The following RANBP17 variants were observed in gnomAD, a reference collection of about 807,000 sequenced individuals.
RANBP17 encodes RAN binding protein 17.
A neutral mutation model predicts 141.2 loss-of-function variants in RANBP17; 158 were observed. The observed-to-expected ratio is 1.12, with a 90% confidence interval of 0.98 to 1.28. The LOEUF (loss-of-function observed/expected upper bound fraction) is 1.28. Ranked by LOEUF, RANBP17 falls within the 50% of genes most tolerant of loss-of-function variation. RANBP17 has a pLI of 0.00. For missense variants in RANBP17, 1,438 were observed against 1,290.7 expected (o/e 1.11, Z -1.75); for synonymous variants, 430 against 450.0 (o/e 0.96, Z 0.56).
chr5:170,888,776 A>G (rs1051802600), intron 3 of RANBP17, among the ~76,000 whole-genome samples: 5 of 152,080 alleles, frequency 3.3e-5, no homozygotes, highest in African/African-American at 1.2e-4. Flanking sequence ...TTTTTTCCCA[A>G]TCTTAGTGAG....
At chr5:171,184,491 A>T (rs909172092) in intron 18 of RANBP17, among the ~76,000 whole-genome samples, 1 of 151,582 alleles carries the variant, frequency 6.6e-6, no homozygotes, top group Non-Finnish European at 1.5e-5. Context: ...CTTTGAGGTG[A>T]TGCTGGTCAA....
At chr5:170,999,547 A>T (rs1181422310) in intron 14 of RANBP17, among the ~76,000 whole-genome samples, 2 of 152,200 alleles carry the variant, frequency 1.3e-5, no homozygotes, top group Non-Finnish European at 2.9e-5. Context: ...AATTGATATA[A>T]TCTTTTTGTA....
At chr5:171,296,065 T>A (rs1349455677) in intron 27 of RANBP17, 51 bp downstream of exon 27, 17 of 1,581,936 alleles carry the variant, frequency 1.1e-5, no homozygotes, top group Admixed American at 5.2e-5. Flanking sequence ...ATTCCAGGTT[T>A]GTTGAAAATA....
intron 14 of RANBP17, among the ~76,000 whole-genome samples, chr5:171,006,758 A>AAG (rs397784563): frequency 6.6e-5 from 10 of 150,896 alleles, no homozygotes; most frequent in Non-Finnish European, 1.3e-4. Flanking sequence ...AAAAAAAAAA[A>AAG]GAATAGGTCG....
chr5:171,267,102 C>T (rs1336788529), intron 25 of RANBP17, among the ~76,000 whole-genome samples: 7 of 141,750 alleles, frequency 4.9e-5, no homozygotes, highest in African/African-American at 1.8e-4. Context: ...AATCTGGGCT[C>T]ACTGCAACCT....
intron 2 of RANBP17, among the ~76,000 whole-genome samples, chr5:170,880,043 C>T (rs78518273): frequency 0.029 from 4,416 of 152,196 alleles, 211 homozygotes; most frequent in African/African-American, 0.098. Flanking sequence ...TTCAGCTAAG[C>T]CCTTTTCCGC....
intron 14 of RANBP17, among the ~76,000 whole-genome samples, chr5:171,033,319 A>C (rs1781667366): frequency 6.6e-6 from 1 of 152,212 alleles, no homozygotes; most frequent in Admixed American, 6.5e-5. Flanking sequence ...TATTCTAAGC[A>C]ATGAATACAG....
intron 24 of RANBP17, among the ~76,000 whole-genome samples, chr5:171,245,680 C>G (rs17747933): frequency 1.3e-5 from 2 of 152,000 alleles, no homozygotes; most frequent in East Asian, 1.9e-4. Flanking sequence ...ATCAGTTTGA[C>G]TCATTTGAGA....
chr5:171,178,819 C>A (rs1223934601), intron 16 of RANBP17, among the ~76,000 whole-genome samples: 1 of 152,160 alleles, frequency 6.6e-6, no homozygotes, highest in African/African-American at 2.4e-5. Flanking sequence ...TAAATGTCTT[C>A]TTTTGAGAAG....
intron 12 of RANBP17, among the ~76,000 whole-genome samples, chr5:170,937,990 T>C (rs1205475438): frequency 6.6e-6 from 1 of 152,064 alleles, no homozygotes; most frequent in Admixed American, 6.6e-5. Context: ...GTACGTGAAA[T>C]TTCTTAGGTT....
chr5:171,182,641 A>ATAT (rs1760937640), intron 16 of RANBP17, among the ~76,000 whole-genome samples: 1 of 152,232 alleles, frequency 6.6e-6, no homozygotes, highest in African/African-American at 2.4e-5. Flanking sequence ...CACTTGAGAA[A>ATAT]TATTAGTTCC....
At chr5:170,980,176 C>T (rs1386561057) in intron 14 of RANBP17, among the ~76,000 whole-genome samples, 2 of 152,136 alleles carry the variant, frequency 1.3e-5, no homozygotes, top group East Asian at 3.9e-4. Context: ...GAAGACATTT[C>T]TAAGCAGCAA....
At chr5:171,205,421 TAATG>T in intron 19 of RANBP17, 99 bp from the exon 20 acceptor site, 1 of 892,648 alleles carries the variant, frequency 1.1e-6, no homozygotes, top group Non-Finnish European at 1.8e-6. Flanking sequence ...ACATTTTAGC[TAATG>T]AATCAAAATC....
At chr5:170,981,862 C>A (rs185324258) in intron 14 of RANBP17, among the ~76,000 whole-genome samples, 24 of 152,222 alleles carry the variant, frequency 1.6e-4, no homozygotes, top group Admixed American at 6.5e-4. Flanking sequence ...GCACTAAGAA[C>A]CCTGGAAAAG....
At chr5:171,213,494 AGT>A in intron 20 of RANBP17, 135 bp from the exon 21 acceptor site, 1 of 631,712 alleles carries the variant, frequency 1.6e-6, no homozygotes, top group Non-Finnish European at 2.8e-6. Flanking sequence ...GCCATTGTAT[AGT>A]ATAGACATAG....
intron 14 of RANBP17, among the ~76,000 whole-genome samples, chr5:171,044,885 G>C (rs1782469988): frequency 6.6e-6 from 1 of 152,000 alleles, no homozygotes; most frequent in Non-Finnish European, 1.5e-5. Context: ...TGTTTTAATT[G>C]TGGAGTGCTG....
rs1186753320 is a variant in RANBP17, at chr5:171,253,055, CA to C, written c.2776+10236del. 3 of 923,732 alleles carry C rather than the reference CA, an allele frequency of 3.2e-6. No individual in the cohort carries two copies. In the African/African-American group the frequency reaches 5.0e-5, roughly 15 times the overall value. 57.2% of individuals were successfully genotyped at this position (923,732 alleles called of 1,614,324 possible). A position where few individuals can be genotyped will look rare whatever the true frequency, so the allele number is the denominator to read the frequency against. ...TCTGGTTATTTTGGAAAGGATCAAG[CA>C]CTGATTTTTCAAGAAAAGAGAAAAT... On this transcript the variant is annotated intron_variant, in intron 24 of 27. Coordinates refer to ENST00000523189, the MANE Select transcript of RANBP17 (RefSeq NM_022897.5).
At chr5:170,902,771 T>G (rs1161983410) in intron 5 of RANBP17, among the ~76,000 whole-genome samples, 4 of 152,198 alleles carry the variant, frequency 2.6e-5, no homozygotes, top group Non-Finnish European at 5.9e-5. Context: ...CTTCTAACAG[T>G]CAGGCCCCTC....
chr5:171,013,811 T>G (rs1171515128), intron 14 of RANBP17, among the ~76,000 whole-genome samples: 1 of 152,102 alleles, frequency 6.6e-6, no homozygotes, highest in Non-Finnish European at 1.5e-5. Context: ...AAGAGTATGG[T>G]GTTTATTGGA....
Sources: allele counts gnomAD v4.1 joint callset (sites outside exome capture counted in the v4.1 genomes callset), GRCh38; gene constraint gnomAD v4.1.1; transcripts MANE v1.5; gene names NCBI Gene and HGNC (gene_info 2026-07-23, HGNC 2026-07-21).